TMEM100: variants seen among roughly 807,000 people sequenced by gnomAD.
TMEM100 encodes the protein transmembrane protein 100.
For synonymous variants in TMEM100, 61 were observed against 67.1 expected, an observed-to-expected ratio of 0.91 and a Z score of 0.44; for missense variants, 137 against 168.2, an observed-to-expected ratio of 0.81 and a Z score of 1.02.
intron 1 of TMEM100, among the ~76,000 whole-genome samples, chr17:55,730,749 G>C (rs939234409): frequency 6.6e-6 from 1 of 152,172 alleles, no homozygotes; most frequent in Non-Finnish European, 1.5e-5. Flanking sequence ...AGAACACTTT[G>C]CCCAGCTGAA....
chr17:55,722,622 G>C lies in TMEM100; in HGVS notation c.-69C>G, dbSNP rs1014096532. On this transcript the variant is annotated 5_prime_UTR_variant, in exon 1 of 2. Transcript: ENST00000424486. ...TCCCCAAATTACTTACACTCACCTC[G>C]GAGAGAGGCAATCCATTACCAGAGT... 1 of 152,184 alleles carries C rather than the reference G, an allele frequency of 6.6e-6. No individual in the cohort carries two copies. Among genetic ancestry groups the C allele is most frequent in the Admixed American group, 6.5e-5 (1 of 15,282 alleles). The allele number at this position is 152,184 out of a possible 1,614,324, so 9.4% of individuals were successfully genotyped here.
chr17:55,721,793 G>A (rs1311013356), intron 1 of TMEM100: 1 of 152,134 alleles, frequency 6.6e-6, no homozygotes, highest in Non-Finnish European at 1.5e-5. Context: ...TTTGTGGTCT[G>A]AAGTGTAACA....
upstream of TMEM100, among the ~76,000 whole-genome samples, chr17:55,724,850 A>G (rs3760281): frequency 0.33 from 50,701 of 151,996 alleles, 14,850 homozygotes; most frequent in African/African-American, 0.78. Context: ...TCTGTGTCCT[A>G]GGAGCACAAA....
intron 1 of TMEM100, among the ~76,000 whole-genome samples, chr17:55,729,505 G>A (rs1567924174): frequency 6.6e-6 from 1 of 152,282 alleles, no homozygotes; most frequent in Middle Eastern, 3.4e-3. Flanking sequence ...TGCTAGAGAA[G>A]GTTGGCATTA....
At chr17:55,724,761 A>G (rs1909018237), upstream of TMEM100, among the ~76,000 whole-genome samples, 1 of 152,230 alleles carries the variant, frequency 6.6e-6, no homozygotes, top group Non-Finnish European at 1.5e-5. Context: ...GCAAACATTG[A>G]ACGTCTAGAG....
At chr17:55,728,199 A>C (rs1222379185) in intron 1 of TMEM100, among the ~76,000 whole-genome samples, 1 of 152,222 alleles carries the variant, frequency 6.6e-6, no homozygotes, top group Non-Finnish European at 1.5e-5. Flanking sequence ...AAAGTGGCAG[A>C]GCCAGGTTTC....
rs780700702 is a variant in TMEM100 at position 55,721,037 on chromosome 17, C to A, written c.34G>T (p.Ala12Ser). 9 of 1,613,092 alleles carry A rather than the reference C, an allele frequency of 5.6e-6. No homozygotes were observed. Among genetic ancestry groups the A allele is most frequent in the Middle Eastern group, 1.7e-4 (1 of 6,052 alleles). ...GTCGCTGCCATGTGAGCCTTTGGGG[C>A]TCCCAGGATCTCCTTGATGGGCTCT... ...TEEPIKEILG[A>S]PKAHMAATME... Residue 12 changes from alanine to serine, a missense_variant, in exon 2 of 2, where the codon GCC becomes TCC. By Grantham distance (99) the Ala-to-Ser change is moderately conservative. Transcript: ENST00000424486.
At chr17:55,725,421 C>T (rs1481286304), upstream of TMEM100, among the ~76,000 whole-genome samples, 1 of 152,084 alleles carries the variant, frequency 6.6e-6, no homozygotes, top group Admixed American at 6.6e-5. Flanking sequence ...TATCTATGCC[C>T]CTAACCCCCA....
intron 1 of TMEM100, 48 bp from the exon 2 acceptor site, chr17:55,721,183 C>G: frequency 1.6e-6 from 2 of 1,281,662 alleles, no homozygotes; most frequent in Non-Finnish European, 2.1e-6. Flanking sequence ...GAATGTACAC[C>G]CTGTAAGCAG....
chr17:55,727,546 G>A (rs1036218925), upstream of TMEM100, among the ~76,000 whole-genome samples: 10 of 152,164 alleles, frequency 6.6e-5, no homozygotes, highest in African/African-American at 2.4e-4. Flanking sequence ...CTCGTTTACA[G>A]GAGAAATCTC....
upstream of TMEM100, among the ~76,000 whole-genome samples, chr17:55,725,733 G>GTGTC (rs1211153704): frequency 7.5e-6 from 1 of 133,166 alleles, no homozygotes; most frequent in Non-Finnish European, 1.5e-5. Context: ...GTGTGTGTGT[G>GTGTC]TGTGTGTGTG....
chr17:55,724,565 T>C (rs1464967160), upstream of TMEM100, among the ~76,000 whole-genome samples: 1 of 152,220 alleles, frequency 6.6e-6, no homozygotes, highest in East Asian at 1.9e-4. Flanking sequence ...CTACGTACAA[T>C]GGAGGTTCTT....
intron 1 of TMEM100, among the ~76,000 whole-genome samples, chr17:55,729,253 T>A (rs764888811): frequency 6.6e-6 from 1 of 152,180 alleles, no homozygotes; most frequent in Non-Finnish European, 1.5e-5. Flanking sequence ...AATGGGCACC[T>A]GATATTGGCA....
In TMEM100 at chr17:55,720,923, C is replaced by G. The variant is rs375806458; in HGVS notation, c.148G>C (p.Glu50Gln). 7 of 1,614,056 alleles carry G rather than the reference C, an allele frequency of 4.3e-6. No homozygotes were observed. The highest frequency in any genetic ancestry group is 5.9e-6 in the Non-Finnish European group (7 of 1,180,036). ...IQLMAATGGT[E>Q]LSCYRCIIPF... is the part of the protein sequence containing the mutation. ...ATGATGCAGCGGTAGCAGGAGAGCT[C>G]GGTACCCCCTGTAGCAGCCATCAAC... is the stretch of plus-strand genomic sequence containing the variant. The change falls in exon 2 of 2, where the codon GAG (glutamate) becomes CAG (glutamine). Residue 50 changes from glutamate (E) to glutamine (Q), a missense_variant. Glu to Gln is a conservative substitution (Grantham distance 29). Transcript: ENST00000424486.
At chr17:55,727,087 T>C (rs1273795977), upstream of TMEM100, among the ~76,000 whole-genome samples, 1 of 152,196 alleles carries the variant, frequency 6.6e-6, no homozygotes. Flanking sequence ...TGAGTAACTA[T>C]GAAAGGTCAC....
At position 55,722,782 on chromosome 17, in the gene TMEM100, A is replaced by C. The variant is rs1882856056; in HGVS notation, c.-229T>G. The C allele has an allele frequency of 6.6e-6, 1 of 152,216 alleles. No homozygotes were observed. The highest frequency in any genetic ancestry group is 6.5e-5 in the Admixed American group (1 of 15,288). 9.4% of individuals were successfully genotyped at this position (152,216 alleles called of 1,614,324 possible). A position where few individuals can be genotyped will look rare whatever the true frequency, so the allele number is the denominator to read the frequency against. ...CTCTTCTGGGGAAAGGAAAAGATGTAAAAATACTTTACTATAGGGTCTGCT... is the reference window on the plus strand; with the variant it reads ...CTCTTCTGGGGAAAGGAAAAGATGTCAAAATACTTTACTATAGGGTCTGCT... On this transcript the variant is annotated 5_prime_UTR_variant, in exon 1 of 2. Coordinates refer to ENST00000424486, the MANE Select transcript of TMEM100 (RefSeq NM_018286.3).
At chr17:55,727,477 C>T (rs1909101311), upstream of TMEM100, among the ~76,000 whole-genome samples, 1 of 152,114 alleles carries the variant, frequency 6.6e-6, no homozygotes, top group Non-Finnish European at 1.5e-5. Context: ...GAAGGGATCA[C>T]AATGACCTCA....
chr17:55,722,897 C>G (rs1301984840), upstream of TMEM100: 1 of 152,092 alleles, frequency 6.6e-6, no homozygotes, highest in Admixed American at 6.6e-5. Flanking sequence ...CTTTTTATTC[C>G]CTCCCCCTCG....
At chr17:55,723,516 C>T (rs1908975410), upstream of TMEM100, among the ~76,000 whole-genome samples, 1 of 152,130 alleles carries the variant, frequency 6.6e-6, no homozygotes, top group African/African-American at 2.4e-5. Flanking sequence ...ATGATAATTG[C>T]TACCATTTAT....
Sources: allele counts gnomAD v4.1 joint callset (sites outside exome capture counted in the v4.1 genomes callset), GRCh38; gene constraint gnomAD v4.1.1; transcripts MANE v1.5; gene names NCBI Gene and HGNC (gene_info 2026-07-23, HGNC 2026-07-21).